WDR89: variants seen among roughly 807,000 people sequenced by gnomAD.
The protein encoded by WDR89 is WD repeat-containing protein 89.
A neutral mutation model predicts 29.1 loss-of-function variants in WDR89; 17 were observed. That is an observed-to-expected ratio of 0.58 (90% confidence interval 0.40 to 0.88). The LOEUF is 0.88. Among genes scored for constraint, WDR89 ranks in the 40% least tolerant of loss-of-function variants. The probability of loss-of-function intolerance (pLI) is 0.00; values close to 1 mark genes in which losing one functional copy is unlikely to be tolerated. For synonymous variants in WDR89, 138 were observed against 157.8 expected (o/e 0.87, Z 0.94); for missense variants, 396 against 456.3 (o/e 0.87, Z 1.20).
chr14:63,599,115 AT>A lies in WDR89; in HGVS notation c.827del (p.Tyr276PhefsTer2). ...TTTCATGATATAGGCCACCAATCAA[AT>A]AGTCCAAAGCATCTTCTTTCATGTT... ...VVNMKEDALD[Y>X]LIGGLYHEKT... is the part of the protein sequence containing the mutation. On this transcript the variant is annotated frameshift_variant, in exon 3 of 3. Coordinates refer to ENST00000620954, the MANE Select transcript of WDR89 (RefSeq NM_080666.4). LOFTEE classifies it high-confidence loss of function. 1.2e-6 allele frequency: 2 copies of A among 1,614,128 alleles called. No individual in the cohort carries two copies. Among genetic ancestry groups the A allele is most frequent in the South Asian group, 1.1e-5 (1 of 91,074 alleles).
At chr14:63,627,150 A>ACTCTCTCTCTCTCTCT (rs35230660) in intron 1 of WDR89, among the ~76,000 whole-genome samples, 1 of 127,186 alleles carries the variant, frequency 7.9e-6, no homozygotes, top group Non-Finnish European at 1.6e-5. Flanking sequence ...ACACACACAC[A>ACTCTCTCTCTCTCTCT]CTCTCTCTCT....
chr14:63,617,669 G>C (rs985220587), intron 2 of WDR89, among the ~76,000 whole-genome samples: 1 of 151,906 alleles, frequency 6.6e-6, no homozygotes, highest in South Asian at 2.1e-4. Context: ...AGTTTTAGTC[G>C]AGACGAGGTT....
At chr14:63,621,417 G>T (rs1039965395) in intron 2 of WDR89, among the ~76,000 whole-genome samples, 4 of 152,034 alleles carry the variant, frequency 2.6e-5, no homozygotes, top group African/African-American at 9.7e-5. Context: ...GACCAACATG[G>T]TGAAACCCCA....
intron 2 of WDR89, among the ~76,000 whole-genome samples, chr14:63,620,661 G>T (rs1882638518): frequency 1.3e-5 from 2 of 152,066 alleles, no homozygotes; most frequent in South Asian, 2.1e-4. Context: ...AAGGCAGGCG[G>T]ACTGCTTGAA....
chr14:63,627,556 T>C (rs10144435), intron 1 of WDR89, among the ~76,000 whole-genome samples: 5,826 of 152,286 alleles, frequency 0.038, 142 homozygotes, highest in South Asian at 0.083. Flanking sequence ...AAATCCTGTG[T>C]TCTGCCTATT....
intron 2 of WDR89, among the ~76,000 whole-genome samples, chr14:63,607,379 G>A (rs2139504558): frequency 6.6e-6 from 1 of 152,038 alleles, no homozygotes; most frequent in South Asian, 2.1e-4. Flanking sequence ...TAGCCAGGAT[G>A]GTCTCCATCT....
rs990616605 is a variant in WDR89, at chr14:63,610,943, G to A, written c.-31-10970C>T. Among the ~76,000 whole-genome samples, 12 of 151,774 alleles carry A rather than the reference G, an allele frequency of 7.9e-5. No individual in the cohort carries two copies. The East Asian group carries it at 1.2e-3, about 15-fold the overall frequency. On this transcript the variant is annotated intron_variant, in intron 2 of 2. Transcript: ENST00000620954. ...TCTCGAACTCCTGACCTTGTAATTC[G>A]CCCGCCTTGGCCTCCCAAAGTGCTG... is the stretch of plus-strand genomic sequence containing the variant.
At chr14:63,619,769 C>G (rs1313426780) in intron 2 of WDR89, among the ~76,000 whole-genome samples, 4 of 151,994 alleles carry the variant, frequency 2.6e-5, no homozygotes, top group African/African-American at 7.2e-5. Flanking sequence ...CTCTGGGAGG[C>G]CAAGGCAGGA....
At chr14:63,615,853 G>C (rs1327650095) in intron 2 of WDR89, among the ~76,000 whole-genome samples, 1 of 151,900 alleles carries the variant, frequency 6.6e-6, no homozygotes, top group Non-Finnish European at 1.5e-5. Context: ...GAACCTCAGA[G>C]GCAGAGGTTG....
In WDR89 at chr14:63,599,861, C is replaced by G. The variant is rs1894978619; in HGVS notation, c.82G>C (p.Gly28Arg). 6.2e-7 allele frequency: 1 copy of G among 1,614,020 alleles called. No individual in the cohort carries two copies. The highest frequency in any genetic ancestry group is 8.5e-7 in the Non-Finnish European group (1 of 1,180,000). Residue 28 changes from glycine (G) to arginine (R), a missense_variant, in exon 3 of 3, where the codon GGT becomes CGT. Physicochemically the swap from Gly to Arg is moderately radical, Grantham distance 125. Coordinates refer to ENST00000620954, the MANE Select transcript of WDR89 (RefSeq NM_080666.4). ...TGGACAGTCTTTGATGTGTCTATAC[C>G]AAGAAGGTAAGTGGGCTCTTTGGTT... ...LGTKEPTYLL[G>R]IDTSKTVQAG...
At chr14:63,640,083 C>T (rs1026720537) in intron 1 of WDR89, among the ~76,000 whole-genome samples, 7 of 152,204 alleles carry the variant, frequency 4.6e-5, no homozygotes, top group Non-Finnish European at 7.4e-5. Flanking sequence ...AGGTAAGTAA[C>T]ATAGCTGCAT....
intron 2 of WDR89, among the ~76,000 whole-genome samples, chr14:63,624,303 T>A (rs1253499821): frequency 1.3e-5 from 2 of 151,188 alleles, no homozygotes; most frequent in East Asian, 1.9e-4. Context: ...CCCATCTCCA[T>A]CAAAAATACA....
chr14:63,618,826 G>C (rs754577499), intron 2 of WDR89, among the ~76,000 whole-genome samples: 1 of 152,158 alleles, frequency 6.6e-6, no homozygotes, highest in African/African-American at 2.4e-5. Flanking sequence ...ACGGAGAAAA[G>C]GGGTCTCATA....
At chr14:63,605,009 G>T (rs558368987) in intron 2 of WDR89, among the ~76,000 whole-genome samples, 18 of 152,116 alleles carry the variant, frequency 1.2e-4, no homozygotes, top group Non-Finnish European at 2.6e-4. Context: ...AATTAGCCAG[G>T]CATGGTGGTG....
At chr14:63,601,719 C>G (rs1017850013) in intron 2 of WDR89, 180 of 1,561,504 alleles carry the variant, frequency 1.2e-4, no homozygotes, top group Non-Finnish European at 1.5e-4. Flanking sequence ...AGATAAAGTT[C>G]TTCTCCCATA....
chr14:63,627,150 ACTCTCT>A lies in WDR89; in HGVS notation c.-137-2123_-137-2118del, dbSNP rs35230660. Among the ~76,000 whole-genome samples the A allele has an allele frequency of 8.4e-3, 1,066 of 127,252 alleles. 3 individuals are homozygous for A. The highest frequency in any genetic ancestry group is 0.012 in the Admixed American group (154 of 12,600). 83.5% of individuals were successfully genotyped at this position (127,252 alleles called of 152,430 possible). On this transcript the variant is annotated intron_variant, in intron 1 of 2. Coordinates refer to ENST00000620954, the MANE Select transcript of WDR89 (RefSeq NM_080666.4). ...CACACACACACACACACACACACAC[ACTCTCT>A]CTCTCTCTCTCTCTCTCTCTCTCTC...
At chr14:63,616,501 T>C (rs1882314510) in intron 2 of WDR89, among the ~76,000 whole-genome samples, 1 of 152,138 alleles carries the variant, frequency 6.6e-6, no homozygotes, top group South Asian at 2.1e-4. Context: ...GGAAAAGCCA[T>C]TTCTATTCAA....
intron 2 of WDR89, among the ~76,000 whole-genome samples, chr14:63,614,644 A>G (rs1882198911): frequency 6.6e-6 from 1 of 152,234 alleles, no homozygotes; most frequent in Non-Finnish European, 1.5e-5. Context: ...GATAAAAAGC[A>G]TACACTGGTT....
chr14:63,628,831 G>C (rs1282109859), intron 1 of WDR89, among the ~76,000 whole-genome samples: 1 of 151,966 alleles, frequency 6.6e-6, no homozygotes, highest in African/African-American at 2.4e-5. Flanking sequence ...GCATGGTGAC[G>C]TGCATGCCTG....
Sources: gnomAD v4.1 joint callset for allele counts (sites outside exome capture counted in the v4.1 genomes callset) on GRCh38, gnomAD v4.1.1 for gene constraint, MANE v1.5 for transcripts, NCBI Gene and HGNC (gene_info 2026-07-23, HGNC 2026-07-21) for gene names.